Variants in TXK observed in about 807,000 individuals in gnomAD.
TXK encodes TXK tyrosine kinase, also known as tyrosine-protein kinase TXK.
A neutral mutation model predicts 81.0 loss-of-function variants in TXK; 60 were observed. The ratio of observed to expected loss-of-function variants is 0.74; its 90% CI spans 0.60 to 0.92. The LOEUF is 0.92. Among genes scored for constraint, TXK ranks in the 40% least tolerant of loss-of-function variants. The pLI, the probability that TXK is intolerant of heterozygous loss-of-function variation, is 0.00. For missense variants in TXK, 581 were observed against 638.3 expected, an observed-to-expected ratio of 0.91 and a Z score of 0.97; for synonymous variants, 203 against 210.7, an observed-to-expected ratio of 0.96 and a Z score of 0.32.
chr4:48,118,981 C>T (rs1293284502), intron 1 of TXK, among the ~76,000 whole-genome samples: 1 of 152,148 alleles, frequency 6.6e-6, no homozygotes. Context: ...TCCAGCAGTA[C>T]TGGAACTGTC....
rs777664575 is a variant in TXK, at chr4:48,079,955, C to T, written c.1130G>A (p.Gly377Glu). 6.2e-6 allele frequency: 10 copies of T among 1,613,864 alleles called. No homozygotes were observed. Among genetic ancestry groups the T allele is most frequent in the African/African-American group, 1.3e-5 (1 of 74,880 alleles). The change falls in exon 11 of 15, where the codon GGA becomes GAA. Residue 377 changes from glycine (G) to glutamate (E), a missense_variant. Transcript: ENST00000264316. ...GCCATTCCTCTCCAGATATTCCATT[C>T]CTTCACATATATCCTGGCATACACT... ...LLSVCQDICEGMEYLERNGYI... is the reference protein window; with the variant it reads ...LLSVCQDICEEMEYLERNGYI...
At chr4:48,080,977 G>C (rs1717278021) in intron 10 of TXK, among the ~76,000 whole-genome samples, 1 of 152,024 alleles carries the variant, frequency 6.6e-6, no homozygotes, top group Non-Finnish European at 1.5e-5. Flanking sequence ...TGGGAAGACT[G>C]TGTACCTTAA....
intron 8 of TXK, among the ~76,000 whole-genome samples, chr4:48,092,068 T>TC (rs1717798054): frequency 6.6e-6 from 1 of 152,182 alleles, no homozygotes; most frequent in African/African-American, 2.4e-5. Context: ...TACAAGGGGC[T>TC]GGATGATGCT....
intron 5 of TXK, among the ~76,000 whole-genome samples, chr4:48,109,149 GAC>G (rs1560357450): frequency 6.6e-6 from 1 of 151,148 alleles, no homozygotes; most frequent in Non-Finnish European, 1.5e-5. Flanking sequence ...ACCTCATGAG[GAC>G]ATGCTCTTGA....
intron 5 of TXK, among the ~76,000 whole-genome samples, chr4:48,105,460 A>C (rs1718422479): frequency 6.6e-6 from 1 of 152,202 alleles, no homozygotes; most frequent in South Asian, 2.1e-4. Flanking sequence ...CTCACTTACA[A>C]GTGGGAGATA....
chr4:48,090,168 T>C (rs1487035936), intron 8 of TXK, among the ~76,000 whole-genome samples: 1 of 152,202 alleles, frequency 6.6e-6, no homozygotes, highest in Non-Finnish European at 1.5e-5. Flanking sequence ...TGCAGAAATA[T>C]AAATATTTTG....
rs577466119 is a variant in TXK at position 48,076,501 on chromosome 4, C to T, written c.1174-35G>A. The stretch of plus-strand genomic sequence containing the variant: ...GAAGAAAAGAATCCAAGTTTGAATA[C>T]AAGCTTTTATTTCAAGAGTTTTTCC... On this transcript the variant is annotated intron_variant, in intron 11 of 14. Transcript: ENST00000264316. 1.7e-5 allele frequency: 27 copies of T among 1,581,980 alleles called. 1 individual carries two copies. In the East Asian group the frequency reaches 2.0e-4, roughly 12 times the overall value.
intron 6 of TXK, among the ~76,000 whole-genome samples, chr4:48,100,171 C>CAAAAAAAAAAAA (rs11341305): frequency 3.7e-5 from 2 of 53,936 alleles, no homozygotes; most frequent in African/African-American, 8.7e-5. Context: ...GACTCCATCT[C>CAAAAAAAAAAAA]AAAAAAAAAA....
intron 10 of TXK, among the ~76,000 whole-genome samples, chr4:48,084,999 CT>C (rs1333410493): frequency 2.0e-5 from 3 of 152,154 alleles, no homozygotes; most frequent in Non-Finnish European, 4.4e-5. Context: ...CTAAATTTCT[CT>C]GGAAAACAGA....
Position 48,077,781 on chromosome 4 carries a change from T to C in TXK, c.1174-1315A>G, listed in dbSNP as rs114241154. Reference sequence around the variant, plus strand: ...AATAGTTAGCACTGCTGAGCTCCTCTACATGCTAGACACTGTTTATTAATT... The same window carrying C: ...AATAGTTAGCACTGCTGAGCTCCTCCACATGCTAGACACTGTTTATTAATT... On this transcript the variant is annotated intron_variant, in intron 11 of 14. Transcript: ENST00000264316. Among the ~76,000 whole-genome samples, 288 of 152,310 alleles carry C rather than the reference T, an allele frequency of 1.9e-3. 1 individual carries two copies. The highest frequency in any genetic ancestry group is 6.6e-3 in the African/African-American group (276 of 41,564).
rs749897795 is a variant in TXK, at chr4:48,071,606, C to T, written c.1426G>A (p.Val476Met). The stretch of plus-strand genomic sequence containing the variant: ...CTGAAGCCTTCAGAAATAGCTTCCA[C>T]GACTTGCAAATTTGACTTATTTTCA... ...PFENKSNLQV[V>M]EAISEGFRLY... Residue 476 changes from valine to methionine, a missense_variant, in exon 14 of 15, where the codon GTG (valine) becomes ATG (methionine). Transcript: ENST00000264316. 1.3e-5 allele frequency: 21 copies of T among 1,614,124 alleles called. No individual in the cohort carries two copies. The Middle Eastern group carries it at 8.2e-4, about 63-fold the overall frequency.
chr4:48,101,736 A>T (rs1326566966), intron 6 of TXK, among the ~76,000 whole-genome samples: 1 of 151,836 alleles, frequency 6.6e-6, no homozygotes, highest in African/African-American at 2.4e-5. Context: ...TCCTTAATAC[A>T]TTTAAAAGAG....
chr4:48,074,035 C>G lies in TXK; in HGVS notation c.1257G>C (p.Glu419Asp). The G allele has an allele frequency of 6.2e-7, 1 of 1,613,678 alleles. No individual in the cohort carries two copies. The highest frequency in any genetic ancestry group is 8.5e-7 in the Non-Finnish European group (1 of 1,179,710). ...ACTTGGCTCCAAAAGAACTGACATA[C>G]TCATCATCCAAAACGTACCTAAGTT... ...FGMTRYVLDD[E>D]YVSSFGAKFP... The change falls in exon 13 of 15, where the codon GAG (glutamate) becomes GAC (aspartate). Residue 419 changes from glutamate (E) to aspartate (D), a missense_variant. By Grantham distance (45) the Glu-to-Asp change is conservative. Transcript: ENST00000264316.
At chr4:48,067,971 C>A (rs1029695000) in intron 14 of TXK, among the ~76,000 whole-genome samples, 2 of 152,140 alleles carry the variant, frequency 1.3e-5, no homozygotes, top group Non-Finnish European at 2.9e-5. Context: ...AGAAAGATAT[C>A]TTGACTGACT....
At chr4:48,103,658 A>G (rs1718287383) in intron 6 of TXK, among the ~76,000 whole-genome samples, 1 of 152,192 alleles carries the variant, frequency 6.6e-6, no homozygotes, top group African/African-American at 2.4e-5. Context: ...TTTTACCCAC[A>G]GTTAATGTTT....
chr4:48,118,195 G>A (rs776160531), intron 1 of TXK, among the ~76,000 whole-genome samples: 2 of 152,124 alleles, frequency 1.3e-5, no homozygotes, highest in Non-Finnish European at 2.9e-5. Context: ...TGAAGTTCTG[G>A]GAGGACTTTA....
chr4:48,080,983 C>T (rs752368905), intron 10 of TXK, among the ~76,000 whole-genome samples: 1 of 151,848 alleles, frequency 6.6e-6, no homozygotes, highest in Non-Finnish European at 1.5e-5. Flanking sequence ...GACTGTGTAC[C>T]TTAACACAAT....
At position 48,069,518 on chromosome 4, in the gene TXK, G is replaced by T. The variant is rs1239916586; in HGVS notation, c.1516-1813C>A. 3.9e-5 allele frequency among the ~76,000 whole-genome samples: 6 copies of T among 151,900 alleles called. No homozygotes were observed. The South Asian group carries it at 1.3e-3, about 32-fold the overall frequency. On this transcript the variant is annotated intron_variant, in intron 14 of 14. Transcript: ENST00000264316. ...TTTTTTTGTATTTTTAGTAGAGACG[G>T]GGTTTCACCATGTTAGCCAGGCTGG...
At chr4:48,115,019 G>A (rs542409453) in intron 1 of TXK, among the ~76,000 whole-genome samples, 1 of 143,034 alleles carries the variant, frequency 7.0e-6, no homozygotes, top group Non-Finnish European at 1.5e-5. Context: ...CTAGGTATTG[G>A]TATTTCTTTC....
Sources: gnomAD v4.1 joint callset for allele counts (sites outside exome capture counted in the v4.1 genomes callset) on GRCh38, gnomAD v4.1.1 for gene constraint, MANE v1.5 for transcripts, NCBI Gene and HGNC (gene_info 2026-07-23, HGNC 2026-07-21) for gene names.